The following ANKS1A variants were observed in gnomAD, a reference collection of about 807,000 sequenced individuals.
The protein encoded by ANKS1A is ankyrin repeat and SAM domain-containing protein 1A.
In ANKS1A, 55 loss-of-function variants were observed where a neutral mutation model predicts 120.3. The observed-to-expected ratio is 0.46, with a 90% CI of 0.37 to 0.57. The LOEUF (loss-of-function observed/expected upper bound fraction) is 0.57. Among genes scored for constraint, ANKS1A ranks in the 20% least tolerant of loss-of-function variants. ANKS1A has a pLI of 0.00. For missense variants in ANKS1A, 1,123 were observed against 1,480.3 expected, an observed-to-expected ratio of 0.76 and a Z score of 3.96; for synonymous variants, 590 against 604.7, an observed-to-expected ratio of 0.98 and a Z score of 0.36.
chr6:35,089,819 C>G lies in ANKS1A; in HGVS notation c.*1210C>G, dbSNP rs1156943246. The G allele has an allele frequency of 9.8e-7, 1 of 1,024,306 alleles. No individual in the cohort carries two copies. The highest frequency in any genetic ancestry group is 1.2e-6 in the Non-Finnish European group (1 of 854,130). The allele number at this position is 1,024,306 out of a possible 1,614,324, so 63.5% of individuals were successfully genotyped here. A position where few individuals can be genotyped will look rare whatever the true frequency, so the allele number is the denominator to read the frequency against. ...GGGAAACTGCTGTGGATTTGAGAGG[C>G]AAAGTTGGCTCAGCTGTGTGCCCAG... On this transcript the variant is annotated 3_prime_UTR_variant, in exon 24 of 24. Transcript: ENST00000360359.
At chr6:34,901,553 C>T (rs1767351291) in intron 1 of ANKS1A, among the ~76,000 whole-genome samples, 1 of 152,196 alleles carries the variant, frequency 6.6e-6, no homozygotes. Flanking sequence ...CCCTGTCACT[C>T]AGGCTGGAGC....
chr6:35,012,677 A>G (rs1773823627), intron 10 of ANKS1A, among the ~76,000 whole-genome samples: 1 of 152,242 alleles, frequency 6.6e-6, no homozygotes, highest in African/African-American at 2.4e-5. Flanking sequence ...CCCATAGCTC[A>G]TCGTAGTAAT....
At chr6:34,906,604 TGTA>T (rs1394531286) in intron 1 of ANKS1A, among the ~76,000 whole-genome samples, 1 of 152,122 alleles carries the variant, frequency 6.6e-6, no homozygotes, top group Admixed American at 6.6e-5. Flanking sequence ...CAATTATAAA[TGTA>T]GGAATAATGA....
chr6:34,903,796 TG>T (rs1316401321), intron 1 of ANKS1A, among the ~76,000 whole-genome samples: 11 of 152,098 alleles, frequency 7.2e-5, no homozygotes, highest in Non-Finnish European at 1.5e-4. Context: ...ATTACAGGCA[TG>T]AGCCACTGTG....
At chr6:34,950,036 G>GT (rs769999263) in intron 1 of ANKS1A, among the ~76,000 whole-genome samples, 1 of 152,116 alleles carries the variant, frequency 6.6e-6, no homozygotes, top group Non-Finnish European at 1.5e-5. Context: ...TTTAAAAAGT[G>GT]TTTGTGTGTA....
intron 11 of ANKS1A, among the ~76,000 whole-genome samples, chr6:35,051,375 G>A (rs1775955080): frequency 6.6e-6 from 1 of 152,136 alleles, no homozygotes; most frequent in Non-Finnish European, 1.5e-5. Flanking sequence ...TACCACCAAC[G>A]GATGCTGATT....
Position 35,053,090 on chromosome 6 carries a change from G to A in ANKS1A, c.2011-1009G>A, listed in dbSNP as rs76962656. Among the ~76,000 whole-genome samples, 174 of 152,358 alleles carry A rather than the reference G, an allele frequency of 1.1e-3. 1 individual carries two copies. Among genetic ancestry groups the A allele is most frequent in the East Asian group, 9.2e-3 (48 of 5,192 alleles). ...TTTGTCTGCCAGCTGAAGGCTGGCT[G>A]GAGAATTGTTTTTCCAATTGTCTGA... On this transcript the variant is annotated intron_variant, in intron 11 of 23. Coordinates refer to ENST00000360359, the MANE Select transcript of ANKS1A (RefSeq NM_015245.3).
chr6:35,062,364 A>G (rs535804435), intron 13 of ANKS1A, among the ~76,000 whole-genome samples: 4 of 152,346 alleles, frequency 2.6e-5, no homozygotes, highest in Non-Finnish European at 5.9e-5. Flanking sequence ...TTATGTTTTA[A>G]CAGCCTAAAA....
intron 8 of ANKS1A, among the ~76,000 whole-genome samples, chr6:34,987,666 C>G (rs769625332): frequency 6.6e-6 from 1 of 152,136 alleles, no homozygotes; most frequent in Admixed American, 6.5e-5. Flanking sequence ...TGGGAATGAC[C>G]GACTTATCAA....
downstream of ANKS1A, among the ~76,000 whole-genome samples, chr6:35,092,937 G>C (rs1393870686): frequency 6.6e-6 from 1 of 152,148 alleles, no homozygotes; most frequent in Non-Finnish European, 1.5e-5. Context: ...GAACTTTCAA[G>C]CTGGAGCACT....
chr6:34,951,441 G>A (rs1307473239), intron 1 of ANKS1A, among the ~76,000 whole-genome samples: 4 of 152,180 alleles, frequency 2.6e-5, no homozygotes, highest in Admixed American at 2.6e-4. Context: ...CAGCTAATAT[G>A]TGTCAAGTCC....
chr6:35,042,214 A>G lies in ANKS1A; in HGVS notation c.2011-11885A>G, dbSNP rs1206719428. ...ACAGTTCCTTGTTGTTGAGGTCAGCATGGGGCTGATGTAAGAGGATATCGA... is the reference window on the plus strand; with the variant it reads ...ACAGTTCCTTGTTGTTGAGGTCAGCGTGGGGCTGATGTAAGAGGATATCGA... On this transcript the variant is annotated intron_variant, in intron 11 of 23. Transcript: ENST00000360359. Among the ~76,000 whole-genome samples the G allele has an allele frequency of 3.9e-5, 6 of 152,344 alleles. No individual in the cohort carries two copies. The East Asian group carries it at 1.2e-3, about 29-fold the overall frequency.
At chr6:35,070,190 T>A (rs771186880) in intron 13 of ANKS1A, among the ~76,000 whole-genome samples, 7 of 152,236 alleles carry the variant, frequency 4.6e-5, no homozygotes, top group Non-Finnish European at 1.0e-4. Context: ...GTGTTTAGAC[T>A]ATGACTGGTA....
chr6:35,080,163 G>A (rs1274740073), intron 16 of ANKS1A, among the ~76,000 whole-genome samples: 1 of 152,128 alleles, frequency 6.6e-6, no homozygotes, highest in Admixed American at 6.5e-5. Flanking sequence ...ACCAGGCCAT[G>A]GCTGGGTATT....
At chr6:34,973,576 C>T (rs1771291636) in intron 3 of ANKS1A, among the ~76,000 whole-genome samples, 1 of 152,180 alleles carries the variant, frequency 6.6e-6, no homozygotes, top group Admixed American at 6.5e-5. Flanking sequence ...TCCACATTAG[C>T]TACCTTTTAC....
chr6:35,021,847 A>G (rs571684759), intron 11 of ANKS1A, among the ~76,000 whole-genome samples: 1 of 152,218 alleles, frequency 6.6e-6, no homozygotes, highest in African/African-American at 2.4e-5. Flanking sequence ...CTAGCCGGGT[A>G]TGGTAGAATG....
At chr6:34,966,174 A>G (rs548911296) in intron 1 of ANKS1A, among the ~76,000 whole-genome samples, 47 of 152,334 alleles carry the variant, frequency 3.1e-4, no homozygotes, top group African/African-American at 1.1e-3. Flanking sequence ...TCAATTATGA[A>G]TATAGATCCT....
chr6:35,054,317 C>A, intron 12 of ANKS1A, 152 bp downstream of exon 12: 1 of 627,532 alleles, frequency 1.6e-6, no homozygotes, highest in Non-Finnish European at 2.8e-6. Context: ...GTCTCCAATA[C>A]CTAGACAGCC....
chr6:34,956,277 G>A (rs1378367220), intron 1 of ANKS1A, among the ~76,000 whole-genome samples: 1 of 151,310 alleles, frequency 6.6e-6, no homozygotes, highest in Non-Finnish European at 1.5e-5. Context: ...CTGTTCTTCT[G>A]TGATAATAGG....
Sources: gnomAD v4.1 joint callset for allele counts (sites outside exome capture counted in the v4.1 genomes callset) on GRCh38, gnomAD v4.1.1 for gene constraint, MANE v1.5 for transcripts, NCBI Gene and HGNC (gene_info 2026-07-23, HGNC 2026-07-21) for gene names.